Variants in TGFBR2 observed in about 807,000 individuals in gnomAD.
TGFBR2 encodes TGF-beta receptor type-2.
In TGFBR2, 18 loss-of-function variants were observed where a neutral mutation model predicts 49.0. The observed-to-expected ratio is 0.37, with a 90% CI of 0.25 to 0.54. The LOEUF (loss-of-function observed/expected upper bound fraction) is 0.54, where lower values mean the gene tolerates loss of function less well. TGFBR2 is among the 20% of genes least tolerant of loss of function. TGFBR2 has a pLI of 0.85. For missense variants in TGFBR2, 525 were observed against 722.6 expected (o/e 0.73, Z 3.13); for synonymous variants, 282 against 275.9 (o/e 1.02, Z -0.22).
chr3:30,620,165 C>G (rs1019997004), intron 1 of TGFBR2, among the ~76,000 whole-genome samples: 1 of 152,098 alleles, frequency 6.6e-6, no homozygotes, highest in Non-Finnish European at 1.5e-5. Context: ...CCAGCCTAGG[C>G]GACAGAGTGA....
At chr3:30,607,096 G>A (rs1414580118) in intron 1 of TGFBR2, 119 bp downstream of exon 1, 2 of 817,880 alleles carry the variant, frequency 2.4e-6, no homozygotes, top group East Asian at 3.0e-5. Flanking sequence ...AACGAGGAAA[G>A]TTTCCCCCGC....
intron 5 of TGFBR2, among the ~76,000 whole-genome samples, chr3:30,680,591 GGGGT>G: frequency 6.6e-6 from 1 of 151,352 alleles, no homozygotes; most frequent in Non-Finnish European, 1.5e-5. Context: ...GGAGTTGGGT[GGGGT>G]GGGTGGGATG....
In TGFBR2 at chr3:30,670,057, G is replaced by A. The variant is rs1699312293; in HGVS notation, c.455-1581G>A. Reference sequence around the variant, plus strand: ...TCAAAAGATCCTTTTCTGACACGGAGTTTGGTTCCATACCACCTACCCATT... The same window carrying A: ...TCAAAAGATCCTTTTCTGACACGGAATTTGGTTCCATACCACCTACCCATT... On this transcript the variant is annotated intron_variant, in intron 3 of 6. Transcript: ENST00000295754. Among the ~76,000 whole-genome samples, 5 of 152,190 alleles carry A rather than the reference G, an allele frequency of 3.3e-5. No homozygotes were observed. In the South Asian group the frequency reaches 1.0e-3, roughly 32 times the overall value.
At position 30,650,412 on chromosome 3, in the gene TGFBR2, T is replaced by A. The variant is rs2125410527; in HGVS notation, c.406T>A (p.Cys136Ser). 1 of 1,613,998 alleles carries A rather than the reference T, an allele frequency of 6.2e-7. No individual in the cohort carries two copies. The highest frequency in any genetic ancestry group is 8.5e-7 in the Non-Finnish European group (1 of 1,179,934). The stretch of plus-strand genomic sequence containing the variant: ...AAAGCCTGGTGAGACTTTCTTCATG[T>A]GTTCCTGTAGCTCTGATGAGTGCAA... ...KKKPGETFFMCSCSSDECNDN... is the reference protein window; with the variant it reads ...KKKPGETFFMSSCSSDECNDN... Residue 136 changes from cysteine (C) to serine (S), a missense_variant, in exon 3 of 7, where the codon TGT becomes AGT. This residue lies in a region of TGFBR2 where 376 missense variants were observed against 478.2 expected (regional missense o/e 0.79). Transcript: ENST00000295754.
intron 3 of TGFBR2, among the ~76,000 whole-genome samples, chr3:30,652,921 C>A (rs3773627): frequency 0.16 from 24,543 of 152,146 alleles, 2,274 homozygotes; most frequent in East Asian, 0.37. Flanking sequence ...TTTTCAGAGT[C>A]TTTCAACTCA....
In TGFBR2 at chr3:30,613,006, A is replaced by T. The variant is rs185285379; in HGVS notation, c.94+6029A>T. Reference sequence around the variant, plus strand: ...TTATGGCCTCCTGCTTAGACTCTTAAGGGTTCCCTAGCATCTGTGTTTTGT... The same window carrying T: ...TTATGGCCTCCTGCTTAGACTCTTATGGGTTCCCTAGCATCTGTGTTTTGT... On this transcript the variant is annotated intron_variant, in intron 1 of 6. Transcript: ENST00000295754. 5.3e-5 allele frequency among the ~76,000 whole-genome samples: 8 copies of T among 152,148 alleles called. No homozygotes were observed. The East Asian group carries it at 1.5e-3, about 29-fold the overall frequency.
chr3:30,644,770 GACA>G lies in TGFBR2; in HGVS notation c.124_126del (p.Asn42del). ...AGTTAATAACGACATGATAGTCACT[GACA>G]ACAACGGTGCAGTCAAGTTTCCACA... On this transcript the variant is annotated inframe_deletion, in exon 2 of 7. Coordinates refer to ENST00000295754, the MANE Select transcript of TGFBR2 (RefSeq NM_003242.6). 6.2e-7 allele frequency: 1 copy of G among 1,614,098 alleles called. No individual in the cohort carries two copies.
chr3:30,607,750 A>G lies in TGFBR2; in HGVS notation c.94+773A>G, dbSNP rs1355136520. On this transcript the variant is annotated intron_variant, in intron 1 of 6. Coordinates refer to ENST00000295754, the MANE Select transcript of TGFBR2 (RefSeq NM_003242.6). ...GGTTAAAATCCTAACTAGGCTACCC[A>G]CCTGATCGCTGTCTCTGAAGGTTTT... Among the ~76,000 whole-genome samples, 3 of 149,970 alleles carry G rather than the reference A, an allele frequency of 2.0e-5. No homozygotes were observed. The East Asian group carries it at 5.8e-4, about 29-fold the overall frequency.
At chr3:30,615,389 T>C (rs1698112793) in intron 1 of TGFBR2, among the ~76,000 whole-genome samples, 1 of 152,172 alleles carries the variant, frequency 6.6e-6, no homozygotes, top group Non-Finnish European at 1.5e-5. Context: ...ACAGCTCACA[T>C]ATAAAAGAAA....
intron 2 of TGFBR2, among the ~76,000 whole-genome samples, chr3:30,646,280 A>T (rs1447432381): frequency 6.6e-6 from 1 of 152,220 alleles, no homozygotes; most frequent in Non-Finnish European, 1.5e-5. Context: ...ACTTGTCATG[A>T]CATACTTGCC....
intron 1 of TGFBR2, among the ~76,000 whole-genome samples, chr3:30,609,076 A>T (rs1388321604): frequency 6.6e-6 from 1 of 152,216 alleles, no homozygotes. Flanking sequence ...AATTAGCTTA[A>T]AAACGTGGTG....
At chr3:30,661,572 G>A (rs533264079) in intron 3 of TGFBR2, 5 of 515,608 alleles carry the variant, frequency 9.7e-6, no homozygotes, top group Non-Finnish European at 1.5e-5. Flanking sequence ...ACAATCGATT[G>A]CAAAGGAGCA....
chr3:30,678,268 C>T (rs1235515550), intron 5 of TGFBR2, among the ~76,000 whole-genome samples: 1 of 152,154 alleles, frequency 6.6e-6, no homozygotes, highest in Non-Finnish European at 1.5e-5. Flanking sequence ...TATGGTCCTG[C>T]CGGGCGCGGT....
At chr3:30,621,297 T>TTTC in intron 1 of TGFBR2, among the ~76,000 whole-genome samples, 1 of 150,248 alleles carries the variant, frequency 6.7e-6, no homozygotes, top group Admixed American at 6.6e-5. Context: ...TTTTTTTTTT[T>TTTC]GAGACAGAGT....
chr3:30,672,093 A>T lies in TGFBR2; in HGVS notation c.910A>T (p.Ile304Leu), dbSNP rs1383281802. The T allele has an allele frequency of 6.2e-7, 1 of 1,614,250 alleles. No homozygotes were observed. Among genetic ancestry groups the T allele is most frequent in the Non-Finnish European group, 8.5e-7 (1 of 1,180,042 alleles). ...AGACATCAATCTGAAGCATGAGAAC[A>T]TACTCCAGTTCCTGACGGCTGAGGA... is the stretch of plus-strand genomic sequence containing the variant. ...FSDINLKHENILQFLTAEERK... is the reference protein window; with the variant it reads ...FSDINLKHENLLQFLTAEERK... The change falls in exon 4 of 7, where the codon ATA becomes TTA. Residue 304 changes from isoleucine to leucine, a missense_variant. Ile to Leu is a conservative substitution (Grantham distance 5). Transcript: ENST00000295754. The surrounding 1 kb of genome is among the most constrained non-coding windows in gnomAD (Gnocchi z 4.5).
rs537290776 is a variant in TGFBR2, at chr3:30,633,917, G to A, written c.95-10830G>A. Reference sequence around the variant, plus strand: ...GTTATTTGGTTGTTAGAAACCAAGCGCCTTGGACCTCGTTATATTACTTTT... The same window carrying A: ...GTTATTTGGTTGTTAGAAACCAAGCACCTTGGACCTCGTTATATTACTTTT... On this transcript the variant is annotated intron_variant, in intron 1 of 6. Transcript: ENST00000295754. 1.5e-4 allele frequency among the ~76,000 whole-genome samples: 23 copies of A among 152,210 alleles called. 1 individual carries two copies. The highest frequency in any genetic ancestry group is 1.0e-3 in the Admixed American group (16 of 15,288).
At chr3:30,646,301 GAT>G (rs775169000) in intron 2 of TGFBR2, among the ~76,000 whole-genome samples, 9 of 152,310 alleles carry the variant, frequency 5.9e-5, no homozygotes, top group Non-Finnish European at 1.2e-4. Context: ...AATATGATAT[GAT>G]ACCTGTCCAT....
At chr3:30,625,682 G>A (rs1162817957) in intron 1 of TGFBR2, among the ~76,000 whole-genome samples, 1 of 152,202 alleles carries the variant, frequency 6.6e-6, no homozygotes, top group Non-Finnish European at 1.5e-5. Flanking sequence ...AGCCAATTAT[G>A]TTTATGATTC....
intron 5 of TGFBR2, among the ~76,000 whole-genome samples, chr3:30,683,559 A>G (rs1343169612): frequency 6.6e-6 from 1 of 152,204 alleles, no homozygotes; most frequent in Non-Finnish European, 1.5e-5. Flanking sequence ...CACCTAAGCC[A>G]CTTTTGTGAA....
Sources: gnomAD v4.1 joint callset for allele counts (sites outside exome capture counted in the v4.1 genomes callset) on GRCh38, gnomAD v4.1.1 for gene constraint, gnomAD v4.1.1 regional missense constraint, Gnocchi (gnomAD v3.1) non-coding constraint, MANE v1.5 for transcripts, NCBI Gene and HGNC (gene_info 2026-07-23, HGNC 2026-07-21) for gene names.